NUDT3: variants seen among roughly 807,000 people sequenced by gnomAD.
NUDT3 encodes nudix hydrolase 3.
A neutral mutation model predicts 23.6 loss-of-function variants in NUDT3; 9 were observed. That is an observed-to-expected ratio of 0.38 (90% CI 0.23 to 0.66). The LOEUF is 0.66. NUDT3 is among the 30% of genes least tolerant of loss of function. The pLI, the probability that NUDT3 is intolerant of heterozygous loss-of-function variation, is 0.52. For missense variants in NUDT3, 172 were observed against 218.5 expected, an observed-to-expected ratio of 0.79 and a Z score of 1.34; for synonymous variants, 86 against 82.6, an observed-to-expected ratio of 1.04 and a Z score of -0.22.
chr6:34,358,258 TACACACACACACACACACAC>T (rs71538235), intron 1 of NUDT3, among the ~76,000 whole-genome samples: 1 of 144,604 alleles, frequency 6.9e-6, no homozygotes, highest in African/African-American at 2.5e-5. Flanking sequence ...ATGAGTAGTT[TACACACACACACACACACAC>T]ACACACACAC....
chr6:34,334,083 T>TC (rs1169538562), intron 2 of NUDT3, among the ~76,000 whole-genome samples: 2 of 152,230 alleles, frequency 1.3e-5, no homozygotes, highest in African/African-American at 4.8e-5. Flanking sequence ...CCACTGTTGT[T>TC]CCACCTGTCA....
intron 1 of NUDT3, among the ~76,000 whole-genome samples, chr6:34,357,334 T>A (rs1016878534): frequency 1.9e-4 from 29 of 152,166 alleles, no homozygotes; most frequent in Non-Finnish European, 3.5e-4. Flanking sequence ...GGTTTTTTTT[T>A]AGGCCAGGCA....
At chr6:34,307,370 G>A (rs563401109) in intron 2 of NUDT3, among the ~76,000 whole-genome samples, 2 of 152,322 alleles carry the variant, frequency 1.3e-5, no homozygotes, top group East Asian at 3.9e-4. Flanking sequence ...CTTGAGGCCA[G>A]GAGTTCGAGA....
chr6:34,328,183 G>A (rs1383146605), intron 2 of NUDT3, among the ~76,000 whole-genome samples: 1 of 152,004 alleles, frequency 6.6e-6, no homozygotes. Flanking sequence ...GAACCACCAC[G>A]CCCGGCCAAG....
chr6:34,353,758 A>T (rs1485886264), intron 1 of NUDT3, among the ~76,000 whole-genome samples: 1 of 151,978 alleles, frequency 6.6e-6, no homozygotes, highest in Non-Finnish European at 1.5e-5. Flanking sequence ...GCTGGAGTGC[A>T]GTGGTGCATC....
At chr6:34,380,919 T>A (rs940212363) in intron 1 of NUDT3, among the ~76,000 whole-genome samples, 1 of 152,208 alleles carries the variant, frequency 6.6e-6, no homozygotes, top group African/African-American at 2.4e-5. Flanking sequence ...GCCTGCTCCA[T>A]AAAGTCATCC....
rs1236786486 is a variant in NUDT3, at chr6:34,360,143, C to G, written c.100-18171G>C. On this transcript the variant is annotated intron_variant, in intron 1 of 4. Transcript: ENST00000607016. Reference sequence around the variant, plus strand: ...ACTCAGGAGGCTGAGGAAGGAAGATCACCTGAGCCTGGGGAGGTTGAAGCT... The same window carrying G: ...ACTCAGGAGGCTGAGGAAGGAAGATGACCTGAGCCTGGGGAGGTTGAAGCT... Among the ~76,000 whole-genome samples the G allele has an allele frequency of 4.7e-5, 7 of 149,050 alleles. No individual in the cohort carries two copies. The East Asian group carries it at 1.0e-3, about 21-fold the overall frequency.
intron 1 of NUDT3, among the ~76,000 whole-genome samples, chr6:34,353,103 C>G (rs1764502533): frequency 6.6e-6 from 1 of 152,140 alleles, no homozygotes. Flanking sequence ...GTGAAGACTT[C>G]TAGAGATATT....
At chr6:34,331,502 T>C (rs897498226) in intron 2 of NUDT3, among the ~76,000 whole-genome samples, 1 of 152,128 alleles carries the variant, frequency 6.6e-6, no homozygotes, top group Admixed American at 6.5e-5. Context: ...ATCACCAACC[T>C]GAAGATGGAC....
At chr6:34,330,894 G>A (rs1294007786) in intron 2 of NUDT3, among the ~76,000 whole-genome samples, 3 of 152,208 alleles carry the variant, frequency 2.0e-5, no homozygotes, top group Non-Finnish European at 4.4e-5. Context: ...TCACTGTGAT[G>A]CCCAGGCTGG....
chr6:34,311,001 A>C (rs555957485), intron 2 of NUDT3, among the ~76,000 whole-genome samples: 2 of 152,210 alleles, frequency 1.3e-5, no homozygotes, highest in East Asian at 1.9e-4. Context: ...GAAAAAAAAA[A>C]AAAAACTCTC....
Position 34,288,560 on chromosome 6 carries a change from C to T in NUDT3, c.*193G>A. On this transcript the variant is annotated 3_prime_UTR_variant, in exon 5 of 5. Coordinates refer to ENST00000607016, the MANE Select transcript of NUDT3 (RefSeq NM_006703.4). ...AAATTACACACCCAACCCCCACCCTCAATAAAAACAGAAGAAAAAGCCCCA... is the reference window on the plus strand; with the variant it reads ...AAATTACACACCCAACCCCCACCCTTAATAAAAACAGAAGAAAAAGCCCCA... The T allele has an allele frequency of 1.4e-6, 1 of 722,290 alleles. No homozygotes were observed. Among genetic ancestry groups the T allele is most frequent in the South Asian group, 2.1e-5 (1 of 46,992 alleles). The allele number at this position is 722,290 out of a possible 1,614,324, so 44.7% of individuals were successfully genotyped here.
chr6:34,392,377 T>C lies in NUDT3; in HGVS notation c.-15A>G. 6.3e-7 allele frequency: 1 copy of C among 1,589,476 alleles called. No individual in the cohort carries two copies. Among genetic ancestry groups the C allele is most frequent in the Non-Finnish European group, 8.6e-7 (1 of 1,169,434 alleles). On this transcript the variant is annotated 5_prime_UTR_variant, in exon 1 of 5. Coordinates refer to ENST00000607016, the MANE Select transcript of NUDT3 (RefSeq NM_006703.4). ...AGCTTCATCATCCTCCGGGCCCGGG[T>C]GGGGGTGCGGTGCGGGTCGCAGGAG...
At chr6:34,370,771 G>A (rs1297835428) in intron 1 of NUDT3, among the ~76,000 whole-genome samples, 1 of 152,116 alleles carries the variant, frequency 6.6e-6, no homozygotes, top group Non-Finnish European at 1.5e-5. Context: ...TTGTTGTACT[G>A]TTGATGACAA....
intron 1 of NUDT3, among the ~76,000 whole-genome samples, chr6:34,366,917 C>A (rs1251016420): frequency 6.6e-6 from 1 of 151,772 alleles, no homozygotes; most frequent in African/African-American, 2.4e-5. Context: ...TTTTTTGAGA[C>A]AGTCTCACTC....
chr6:34,297,760 A>ATATATATATATATGTATTTTT (rs1763535832), intron 2 of NUDT3, among the ~76,000 whole-genome samples: 5 of 53,644 alleles, frequency 9.3e-5, no homozygotes, highest in South Asian at 6.7e-4. Context: ...TATATATATA[A>ATATATATATATATGTATTTTT]TTTTTTTTTT....
chr6:34,354,119 T>A (rs1472839477), intron 1 of NUDT3, among the ~76,000 whole-genome samples: 2 of 151,714 alleles, frequency 1.3e-5, no homozygotes, highest in African/African-American at 4.8e-5. Context: ...GGTTTCACCA[T>A]GTTGGCCAGG....
chr6:34,370,087 T>C (rs547492631), intron 1 of NUDT3, among the ~76,000 whole-genome samples: 15 of 152,218 alleles, frequency 9.9e-5, no homozygotes, highest in Non-Finnish European at 1.9e-4. Flanking sequence ...TCAAATAATA[T>C]GGCAAGTTAT....
intron 1 of NUDT3, among the ~76,000 whole-genome samples, chr6:34,351,243 G>A (rs1177553566): frequency 1.1e-5 from 1 of 87,946 alleles, no homozygotes; most frequent in African/African-American, 4.1e-5. Context: ...GGGAGGCCAA[G>A]ATGGGAAGAT....
Sources: allele counts gnomAD v4.1 joint callset (sites outside exome capture counted in the v4.1 genomes callset), GRCh38; gene constraint gnomAD v4.1.1; transcripts MANE v1.5; gene names NCBI Gene and HGNC (gene_info 2026-07-23, HGNC 2026-07-21).